The following PIEZO2 variants were observed in gnomAD, a reference collection of about 807,000 sequenced individuals.
PIEZO2 encodes the protein piezo-type mechanosensitive ion channel component 2.
Under a neutral mutation model 337.3 loss-of-function variants are expected in PIEZO2, and 172 were observed. That is an observed-to-expected ratio of 0.51 (90% CI 0.45 to 0.58). The LOEUF is 0.58. Ranked by LOEUF, PIEZO2 falls within the 20% of genes least tolerant of loss-of-function variation. PIEZO2 has a pLI of 0.00. For synonymous variants in PIEZO2, 1,251 were observed against 1,228.5 expected (o/e 1.02, Z -0.38); for missense variants, 3,028 against 3,391.3 (o/e 0.89, Z 2.66).
chr18:10,684,504 G>A (rs1210552945), intron 49 of PIEZO2, among the ~76,000 whole-genome samples: 3 of 147,248 alleles, frequency 2.0e-5, no homozygotes, highest in Non-Finnish European at 4.4e-5. Context: ...TCTTGCTGTC[G>A]CCCAGGCTGG....
intron 2 of PIEZO2, among the ~76,000 whole-genome samples, chr18:11,049,083 C>A (rs1169608118): frequency 6.6e-6 from 1 of 152,150 alleles, no homozygotes; most frequent in African/African-American, 2.4e-5. Flanking sequence ...ATAAACAAAT[C>A]AGCTACAGGT....
chr18:11,047,271 C>T lies in PIEZO2; in HGVS notation c.160+18856G>A, dbSNP rs2037348611. Among the ~76,000 whole-genome samples the T allele has an allele frequency of 6.6e-6, 1 of 152,160 alleles. No homozygotes were observed. The highest frequency in any genetic ancestry group is 2.4e-5 in the African/African-American group (1 of 41,456). On this transcript the variant is annotated intron_variant, in intron 2 of 55. Transcript: ENST00000674853. This position sits in a 1 kb window ranked among gnomAD's most constrained non-coding sequence, Gnocchi z 7.2. The stretch of plus-strand genomic sequence containing the variant: ...GGTCAGCTAAGGTTGTGGATACAGA[C>T]ACAGTGGTGGTGACTGGCAAGTGGA...
chr18:10,951,581 A>G (rs531081366), intron 3 of PIEZO2, among the ~76,000 whole-genome samples: 2 of 152,342 alleles, frequency 1.3e-5, no homozygotes, highest in South Asian at 2.1e-4. Context: ...CCTTCCACCT[A>G]TAGGTTAAAT....
intron 46 of PIEZO2, 38 bp downstream of exon 46, chr18:10,696,354 G>A (rs2035083683): frequency 6.2e-7 from 1 of 1,613,812 alleles, no homozygotes; most frequent in Non-Finnish European, 8.5e-7. Flanking sequence ...CCATCGCCAT[G>A]GGTCAGGGCG....
chr18:11,045,250 C>T (rs1029538864), intron 2 of PIEZO2, among the ~76,000 whole-genome samples: 8 of 138,130 alleles, frequency 5.8e-5, no homozygotes, highest in African/African-American at 1.1e-4. Flanking sequence ...GCTTTGAGAT[C>T]GCGCCACTGC....
intron 2 of PIEZO2, among the ~76,000 whole-genome samples, chr18:11,060,538 G>C (rs959368003): frequency 5.3e-5 from 8 of 151,798 alleles, no homozygotes; most frequent in African/African-American, 1.9e-4. Flanking sequence ...AAAGAGAGAA[G>C]AATCAAATAG....
chr18:10,675,396 G>T, intron 53 of PIEZO2, 108 bp from the exon 54 acceptor site: 1 of 611,120 alleles, frequency 1.6e-6, no homozygotes, highest in Non-Finnish European at 2.7e-6. Context: ...AATAGTGAAA[G>T]TTTCATATAT....
rs1282665769 is a variant in PIEZO2, at chr18:10,675,321, T to C, written c.8082-33A>G. The C allele has an allele frequency of 2.3e-6, 3 of 1,318,210 alleles. No individual in the cohort carries two copies. In the South Asian group the frequency reaches 4.6e-5, roughly 20 times the overall value. 81.7% of individuals were successfully genotyped at this position (1,318,210 alleles called of 1,614,324 possible). A position where few individuals can be genotyped will look rare whatever the true frequency, so the allele number is the denominator to read the frequency against. The stretch of plus-strand genomic sequence containing the variant: ...TTAAGAAAAAAAAGATACAATTACG[T>C]TTTAGTTGTTTTACCCACCTAAAAT... On this transcript the variant is annotated intron_variant, in intron 53 of 55. Transcript: ENST00000674853.
rs554380687 is a variant in PIEZO2 at position 10,827,681 on chromosome 18, A to G, written c.918-20407T>C. Among the ~76,000 whole-genome samples, 199 of 152,308 alleles carry G rather than the reference A, an allele frequency of 1.3e-3. 1 individual carries two copies. Among genetic ancestry groups the G allele is most frequent in the African/African-American group, 4.5e-3 (185 of 41,570 alleles). On this transcript the variant is annotated intron_variant, in intron 7 of 55. Coordinates refer to ENST00000674853, the MANE Select transcript of PIEZO2 (RefSeq NM_001378183.1). The stretch of plus-strand genomic sequence containing the variant: ...CAACCACCTCAAGAAAAGGGCATGA[A>G]CCATTGGCATCGTCTTTCAATCATT...
intron 2 of PIEZO2, among the ~76,000 whole-genome samples, chr18:11,024,555 A>G (rs1262255173): frequency 2.7e-5 from 4 of 150,670 alleles, no homozygotes; most frequent in Non-Finnish European, 4.4e-5. Context: ...CAGAAAAAAA[A>G]AAAAAAAAGA....
intron 1 of PIEZO2, among the ~76,000 whole-genome samples, chr18:11,074,049 T>C (rs12456813): frequency 0.011 from 1,714 of 152,200 alleles, 17 homozygotes; most frequent in Non-Finnish European, 0.019. Flanking sequence ...GGTTTCACTG[T>C]ATTAGCCAGG....
intron 20 of PIEZO2, among the ~76,000 whole-genome samples, chr18:10,771,439 T>C (rs924896562): frequency 6.6e-6 from 1 of 152,268 alleles, no homozygotes; most frequent in African/African-American, 2.4e-5. Context: ...CTTTATTGAC[T>C]GAAAGTCACA....
intron 4 of PIEZO2, among the ~76,000 whole-genome samples, chr18:10,889,372 T>C (rs1487138416): frequency 6.6e-6 from 1 of 152,230 alleles, no homozygotes; most frequent in Admixed American, 6.5e-5. Flanking sequence ...AATCTTTGGA[T>C]TTTGATAATG....
In PIEZO2 at chr18:10,821,014, T is replaced by C. The variant is rs924944516; in HGVS notation, c.918-13740A>G. Among the ~76,000 whole-genome samples the C allele has an allele frequency of 2.0e-5, 3 of 152,220 alleles. No homozygotes were observed. The highest frequency in any genetic ancestry group is 2.9e-5 in the Non-Finnish European group (2 of 68,036). ...TGCTTTGTCTGACTTCATGGAGTCTTACCTATGCATGCACAGCTTAGAATT... is the reference window on the plus strand; with the variant it reads ...TGCTTTGTCTGACTTCATGGAGTCTCACCTATGCATGCACAGCTTAGAATT... On this transcript the variant is annotated intron_variant, in intron 7 of 55. Transcript: ENST00000674853. The surrounding 1 kb of genome is among the most constrained non-coding windows in gnomAD (Gnocchi z 4.2).
At chr18:11,051,366 T>TGTGTGTGG (rs1210916528) in intron 2 of PIEZO2, among the ~76,000 whole-genome samples, 24 of 150,004 alleles carry the variant, frequency 1.6e-4, no homozygotes, top group Admixed American at 1.4e-3. Flanking sequence ...TGTGTGTGTG[T>TGTGTGTGG]GTGGGTGTGG....
At chr18:10,841,912 T>TG (rs1435685362) in intron 7 of PIEZO2, among the ~76,000 whole-genome samples, 1 of 152,208 alleles carries the variant, frequency 6.6e-6, no homozygotes, top group Non-Finnish European at 1.5e-5. Flanking sequence ...ACCTGTAAGC[T>TG]GAGCACTTTG....
Position 11,104,818 on chromosome 18 carries a change from C to G in PIEZO2, c.65-38596G>C, listed in dbSNP as rs1220065753. ...TGCTTCTCTTGGGGACCACTCTCCT[C>G]CATCATGCTTGATATGGTCCAGGAG... On this transcript the variant is annotated intron_variant, in intron 1 of 55. Transcript: ENST00000674853. This position sits in a 1 kb window ranked among gnomAD's most constrained non-coding sequence, Gnocchi z 4.6. Among the ~76,000 whole-genome samples, 1 of 152,188 alleles carries G rather than the reference C, an allele frequency of 6.6e-6. No homozygotes were observed. The highest frequency in any genetic ancestry group is 1.9e-4 in the East Asian group (1 of 5,176).
At position 10,784,247 on chromosome 18, in the gene PIEZO2, C is replaced by T. The variant is rs1224003015; in HGVS notation, c.2492+537G>A. Among the ~76,000 whole-genome samples, 5 of 152,134 alleles carry T rather than the reference C, an allele frequency of 3.3e-5. No homozygotes were observed. Among genetic ancestry groups the T allele is most frequent in the South Asian group, 2.1e-4 (1 of 4,828 alleles). ...TATTTATTGATGAGGATAAAACAGC[C>T]GTAAGCTGCTAAAAGAAGATATTGT... is the stretch of plus-strand genomic sequence containing the variant. On this transcript the variant is annotated intron_variant, in intron 17 of 55. Coordinates refer to ENST00000674853, the MANE Select transcript of PIEZO2 (RefSeq NM_001378183.1). This position sits in a 1 kb window ranked among gnomAD's most constrained non-coding sequence, Gnocchi z 4.5.
At chr18:10,900,301 C>G (rs1268270488) in intron 4 of PIEZO2, among the ~76,000 whole-genome samples, 1 of 152,012 alleles carries the variant, frequency 6.6e-6, no homozygotes, top group African/African-American at 2.4e-5. Flanking sequence ...CTTGGCAGAT[C>G]AGGGCAAATA....
Sources: allele counts gnomAD v4.1 joint callset (sites outside exome capture counted in the v4.1 genomes callset), GRCh38; gene constraint gnomAD v4.1.1; non-coding constraint Gnocchi (gnomAD v3.1); transcripts MANE v1.5; gene names NCBI Gene and HGNC (gene_info 2026-07-23, HGNC 2026-07-21).